The following LRCH1 variants were observed in gnomAD, a reference collection of about 807,000 sequenced individuals.
LRCH1 encodes leucine rich repeats and calponin homology domain containing 1, also known as leucine-rich repeat and calponin homology domain-containing protein 1.
Under a neutral mutation model 94.9 loss-of-function variants are expected in LRCH1, and 23 were observed. The observed-to-expected ratio is 0.24, with a 90% confidence interval of 0.17 to 0.34. The LOEUF is 0.34. LRCH1 is among the 10% of genes least tolerant of loss of function. The probability of loss-of-function intolerance (pLI) is 1.00; values close to 1 mark genes in which losing one functional copy is unlikely to be tolerated. For synonymous variants in LRCH1, 364 were observed against 354.9 expected (o/e 1.03, Z -0.29); for missense variants, 790 against 945.9 (o/e 0.84, Z 2.16).
chr13:46,561,363 G>A (rs1386248072), intron 1 of LRCH1, among the ~76,000 whole-genome samples: 2 of 152,170 alleles, frequency 1.3e-5, no homozygotes, highest in Admixed American at 1.3e-4. Flanking sequence ...ACACAGGTGT[G>A]GGATGAAACT....
intron 18 of LRCH1, 117 bp downstream of exon 18, chr13:46,729,101 C>G: frequency 2.1e-6 from 2 of 967,558 alleles, no homozygotes; most frequent in Non-Finnish European, 1.4e-6. Flanking sequence ...TCCATTGGGC[C>G]CCAAACCATT....
chr13:46,695,562 A>T (rs1379404262), intron 9 of LRCH1, among the ~76,000 whole-genome samples: 1 of 152,188 alleles, frequency 6.6e-6, no homozygotes, highest in Non-Finnish European at 1.5e-5. Flanking sequence ...GGAAAGAAAA[A>T]TTAGCCCTTT....
intron 1 of LRCH1, among the ~76,000 whole-genome samples, chr13:46,578,089 T>C (rs1243361186): frequency 2.0e-5 from 3 of 152,130 alleles, no homozygotes; most frequent in African/African-American, 7.2e-5. Flanking sequence ...TGGCACCTCC[T>C]CCCCCATCTC....
chr13:46,721,880 A>G (rs1234280898), intron 16 of LRCH1, among the ~76,000 whole-genome samples: 2 of 152,250 alleles, frequency 1.3e-5, no homozygotes, highest in Non-Finnish European at 2.9e-5. Flanking sequence ...TGTGAATTCA[A>G]GAATCTTAGA....
chr13:46,622,839 G>A (rs2050895952), intron 1 of LRCH1, among the ~76,000 whole-genome samples: 1 of 152,198 alleles, frequency 6.6e-6, no homozygotes, highest in African/African-American at 2.4e-5. Flanking sequence ...TGGCTTTTCT[G>A]TTGAGAACGT....
At position 46,692,627 on chromosome 13, in the gene LRCH1, T is replaced by G. The variant is rs369408053; in HGVS notation, c.1106T>G (p.Leu369Arg). ...ATCAAGGAGGACTCGTGCCATCGCC[T>G]TAGCCCCGTTAAAGGTCTGAGAATA... ...QIIKEDSCHR[L>R]SPVKGEFHQE... Residue 369 changes from leucine to arginine, a missense_variant, in exon 8 of 20, where the codon CTT (leucine) becomes CGT (arginine). Leu to Arg is a moderately radical substitution (Grantham distance 102). Transcript: ENST00000389797. 1.2e-6 allele frequency: 2 copies of G among 1,613,366 alleles called. No individual in the cohort carries two copies. Among genetic ancestry groups the G allele is most frequent in the African/African-American group, 1.3e-5 (1 of 74,930 alleles).
chr13:46,619,055 C>A (rs1566180255), intron 1 of LRCH1, among the ~76,000 whole-genome samples: 1 of 150,440 alleles, frequency 6.6e-6, no homozygotes, highest in Non-Finnish European at 1.5e-5. Flanking sequence ...CTTTTCTTTT[C>A]TTTTCTTTTT....
At chr13:46,606,475 T>G (rs188612066) in intron 1 of LRCH1, among the ~76,000 whole-genome samples, 7 of 152,340 alleles carry the variant, frequency 4.6e-5, no homozygotes, top group African/African-American at 1.7e-4. Context: ...ATTTCCCCCC[T>G]TCTGTGTTGT....
At position 46,742,388 on chromosome 13, in the gene LRCH1, G is replaced by C. The variant is rs1304074658; in HGVS notation, c.*540G>C. 9.1e-6 allele frequency: 9 copies of C among 992,248 alleles called. No individual in the cohort carries two copies. Among genetic ancestry groups the C allele is most frequent in the Non-Finnish European group, 1.1e-5 (9 of 833,974 alleles). 61.5% of individuals were successfully genotyped at this position (992,248 alleles called of 1,614,324 possible). A position where few individuals can be genotyped will look rare whatever the true frequency, so the allele number is the denominator to read the frequency against. On this transcript the variant is annotated 3_prime_UTR_variant, in exon 20 of 20. Transcript: ENST00000389797. The stretch of plus-strand genomic sequence containing the variant: ...AATACCACTACTGACCAAGTTGGAC[G>C]TGTACACGTACTCACACTGCCTTGA...
Position 46,742,505 on chromosome 13 carries a change from C to T in LRCH1, c.*657C>T, listed in dbSNP as rs1391924122. ...GGCCGCCAACTTCCACCCCGGCAAG[C>T]CCCTCTGTCCTATGCAGAAGGGCGC... On this transcript the variant is annotated 3_prime_UTR_variant, in exon 20 of 20. Transcript: ENST00000389797. The T allele has an allele frequency of 5.1e-6, 5 of 985,762 alleles. No individual in the cohort carries two copies. Among genetic ancestry groups the T allele is most frequent in the Non-Finnish European group, 6.0e-6 (5 of 830,176 alleles). The allele number at this position is 985,762 out of a possible 1,614,324, so 61.1% of individuals were successfully genotyped here. A position where few individuals can be genotyped will look rare whatever the true frequency, so the allele number is the denominator to read the frequency against.
rs112270856 is a variant in LRCH1, at chr13:46,664,286, T to G, written c.453-4744T>G. ...CACATAATGACATTTTGGTCAACAATGGACCACATATGTGACAGTGGTATA... is the reference window on the plus strand; with the variant it reads ...CACATAATGACATTTTGGTCAACAAGGGACCACATATGTGACAGTGGTATA... On this transcript the variant is annotated intron_variant, in intron 2 of 19. Transcript: ENST00000389797. Among the ~76,000 whole-genome samples, 475 of 152,322 alleles carry G rather than the reference T, an allele frequency of 3.1e-3. 4 individuals are homozygous for G. The highest frequency in any genetic ancestry group is 0.011 in the African/African-American group (448 of 41,566).
rs1872075605 is a variant in LRCH1, at chr13:46,711,783, T to C, written c.1528-8T>C. On this transcript the variant is annotated splice_polypyrimidine_tract_variant and splice_region_variant and intron_variant, in intron 13 of 19. Transcript: ENST00000389797. ...GGAACATACCATGCTTTGTTCTTCTTTTTTAAGGTGCAAAGTGATCTAACA... is the reference window on the plus strand; with the variant it reads ...GGAACATACCATGCTTTGTTCTTCTCTTTTAAGGTGCAAAGTGATCTAACA... 6.2e-7 allele frequency: 1 copy of C among 1,611,364 alleles called. No homozygotes were observed. The highest frequency in any genetic ancestry group is 1.3e-5 in the African/African-American group (1 of 74,830).
chr13:46,622,085 A>G (rs2138025145), intron 1 of LRCH1, among the ~76,000 whole-genome samples: 1 of 152,342 alleles, frequency 6.6e-6, no homozygotes, highest in South Asian at 2.1e-4. Context: ...AATAAACTGA[A>G]TTAAATGGAA....
chr13:46,691,258 A>G (rs1566228970), intron 7 of LRCH1, among the ~76,000 whole-genome samples: 1 of 152,230 alleles, frequency 6.6e-6, no homozygotes, highest in African/African-American at 2.4e-5. Flanking sequence ...ATATTTCAGA[A>G]TCATAGGTTT....
At chr13:46,752,999 C>G (rs1297581039) in exon 19 of LRCH1, 8 of 151,664 alleles carry the variant, frequency 5.3e-5, no homozygotes, top group Non-Finnish European at 1.5e-5. Context: ...AATATCCTTC[C>G]TTTTATTATT....
At chr13:46,713,693 T>G (rs886756494) in intron 15 of LRCH1, among the ~76,000 whole-genome samples, 7 of 152,224 alleles carry the variant, frequency 4.6e-5, no homozygotes, top group African/African-American at 1.7e-4. Context: ...ATGGCTGGTC[T>G]TCTCATGTTT....
chr13:46,690,089 A>G (rs948449348), intron 7 of LRCH1, among the ~76,000 whole-genome samples: 5 of 152,216 alleles, frequency 3.3e-5, no homozygotes, highest in Admixed American at 6.5e-5. Context: ...CCTTTCTCCA[A>G]TTCTCCTCAA....
intron 9 of LRCH1, among the ~76,000 whole-genome samples, chr13:46,695,287 G>A (rs551795408): frequency 1.5e-4 from 23 of 152,180 alleles, no homozygotes; most frequent in Non-Finnish European, 2.9e-4. Context: ...ACTCATTAGT[G>A]TGACCATTGC....
intron 19 of LRCH1, among the ~76,000 whole-genome samples, chr13:46,736,223 A>G (rs557306040): frequency 3.3e-4 from 50 of 151,932 alleles, no homozygotes; most frequent in African/African-American, 8.5e-4. Flanking sequence ...ATTTACTTCT[A>G]CTAGACAAAA....
Sources: allele counts gnomAD v4.1 joint callset (sites outside exome capture counted in the v4.1 genomes callset), GRCh38; gene constraint gnomAD v4.1.1; transcripts MANE v1.5; gene names NCBI Gene and HGNC (gene_info 2026-07-23, HGNC 2026-07-21).